DSCAM: variants seen among roughly 807,000 people sequenced by gnomAD.
The protein encoded by DSCAM is cell adhesion molecule DSCAM.
Under a neutral mutation model 217.7 loss-of-function variants are expected in DSCAM, and 47 were observed. That is an observed-to-expected ratio of 0.22 (90% confidence interval 0.17 to 0.28). DSCAM has a LOEUF of 0.28. Among genes scored for constraint, DSCAM ranks in the 10% least tolerant of loss-of-function variants. DSCAM has a pLI of 1.00. For missense variants in DSCAM, 2,080 were observed against 2,618.3 expected (o/e 0.79, Z 4.49); for synonymous variants, 1,056 against 1,015.3 (o/e 1.04, Z -0.76).
intron 3 of DSCAM, among the ~76,000 whole-genome samples, chr21:40,619,032 C>T (rs1469323970): frequency 6.6e-6 from 1 of 151,496 alleles, no homozygotes; most frequent in African/African-American, 2.4e-5. Flanking sequence ...GCCACTTAAA[C>T]CCACCGGGTA....
intron 20 of DSCAM, among the ~76,000 whole-genome samples, chr21:40,109,451 C>T (rs551069131): frequency 4.3e-4 from 66 of 152,286 alleles, no homozygotes; most frequent in Non-Finnish European, 6.5e-4. Context: ...GCCAAGATGG[C>T]GGAATAGGAA....
At chr21:40,540,185 C>T (rs539419882) in intron 3 of DSCAM, among the ~76,000 whole-genome samples, 5 of 152,262 alleles carry the variant, frequency 3.3e-5, no homozygotes, top group South Asian at 2.1e-4. Context: ...ACCTCCCCTT[C>T]GCACACACAA....
At chr21:40,091,988 C>T (rs1368355359) in intron 21 of DSCAM, among the ~76,000 whole-genome samples, 3 of 152,194 alleles carry the variant, frequency 2.0e-5, no homozygotes, top group Non-Finnish European at 4.4e-5. Context: ...CACTGACTGG[C>T]TCCCCACCAA....
At chr21:40,542,299 G>T (rs889162344) in intron 3 of DSCAM, among the ~76,000 whole-genome samples, 2 of 152,142 alleles carry the variant, frequency 1.3e-5, no homozygotes, top group Non-Finnish European at 2.9e-5. Flanking sequence ...CATTTTTAGG[G>T]GTAACGATGT....
rs761875826 is a variant in DSCAM, at chr21:40,075,118, G to A, written c.4807C>T (p.Leu1603=). 1.9e-6 allele frequency: 3 copies of A among 1,614,082 alleles called. No homozygotes were observed. The highest frequency in any genetic ancestry group is 2.5e-6 in the Non-Finnish European group (3 of 1,180,054). ...ACAAACAGCAGCAAGACCCCCACCA[G>A]GATACAGGAGATGGTCACCAGCATC... ...LKMLVTISCI[L]VGVLLLFVLL... Residue 1603 remains leucine (L), a synonymous_variant, in exon 27 of 33, where the codon CTG becomes TTG. Transcript: ENST00000400454.
At chr21:40,439,869 C>T (rs1369628146) in intron 3 of DSCAM, among the ~76,000 whole-genome samples, 1 of 152,050 alleles carries the variant, frequency 6.6e-6, no homozygotes, top group African/African-American at 2.4e-5. Context: ...GACCTGCCCC[C>T]ATAATTAAAT....
intron 3 of DSCAM, among the ~76,000 whole-genome samples, chr21:40,525,030 A>AAAAAAAAAAAAAAAAAAAAC (rs2076389800): frequency 6.6e-6 from 1 of 151,218 alleles, no homozygotes; most frequent in Non-Finnish European, 1.5e-5. Context: ...AAAAAAAAAA[A>AAAAAAAAAAAAAAAAAAAAC]ATCCATTCAC....
At chr21:40,796,299 G>A (rs555299868) in intron 1 of DSCAM, among the ~76,000 whole-genome samples, 28 of 152,312 alleles carry the variant, frequency 1.8e-4, no homozygotes, top group African/African-American at 6.7e-4. Context: ...GTCATTGTAG[G>A]TTCCCAAAAG....
At chr21:40,619,522 A>C (rs763555061) in intron 3 of DSCAM, among the ~76,000 whole-genome samples, 1 of 152,166 alleles carries the variant, frequency 6.6e-6, no homozygotes, top group African/African-American at 2.4e-5. Context: ...CTATTCAACT[A>C]TTCTAATATA....
At chr21:40,487,074 T>A (rs187679367) in intron 3 of DSCAM, among the ~76,000 whole-genome samples, 26 of 152,256 alleles carry the variant, frequency 1.7e-4, no homozygotes, top group African/African-American at 6.0e-4. Context: ...CATGAGGAAC[T>A]CCACATGTTT....
intron 1 of DSCAM, among the ~76,000 whole-genome samples, chr21:40,775,666 G>A (rs921841455): frequency 1.3e-5 from 2 of 152,158 alleles, no homozygotes; most frequent in African/African-American, 4.8e-5. Context: ...TGGACTCTAG[G>A]AACTTACACC....
intron 8 of DSCAM, among the ~76,000 whole-genome samples, chr21:40,332,701 T>C (rs555177442): frequency 1.3e-4 from 20 of 152,210 alleles, no homozygotes; most frequent in Non-Finnish European, 2.4e-4. Flanking sequence ...TCTGCCTATA[T>C]GTTTGAAGGC....
intron 15 of DSCAM, among the ~76,000 whole-genome samples, chr21:40,178,660 A>G (rs962970789): frequency 2.0e-5 from 3 of 152,198 alleles, no homozygotes; most frequent in African/African-American, 4.8e-5. Context: ...GATTCTTTGA[A>G]TCTCACCAGA....
intron 19 of DSCAM, among the ~76,000 whole-genome samples, chr21:40,126,262 GAAGAAAAAAGA>G (rs1201903792): frequency 6.7e-6 from 1 of 150,130 alleles, no homozygotes; most frequent in Non-Finnish European, 1.5e-5. Flanking sequence ...AGGAAAGAGG[GAAGAAAAAAGA>G]AAGGAAGGAA....
chr21:40,349,136 C>CAAAAAA lies in DSCAM; in HGVS notation c.935-1197_935-1192dup, dbSNP rs758386936. 6.4e-3 allele frequency among the ~76,000 whole-genome samples: 246 copies of CAAAAAA among 38,668 alleles called. 23 individuals carry two copies. Among genetic ancestry groups the CAAAAAA allele is most frequent in the African/African-American group, 0.018 (181 of 10,270 alleles). 25.4% of individuals were successfully genotyped at this position (38,668 alleles called of 152,430 possible). The stretch of plus-strand genomic sequence containing the variant: ...TGGGGGACAGAGTGAGACTCCATCT[C>CAAAAAA]AAAAAAAAAAAAAAAAAAAGAAATG... On this transcript the variant is annotated intron_variant, in intron 5 of 32. Coordinates refer to ENST00000400454, the MANE Select transcript of DSCAM (RefSeq NM_001389.5).
At chr21:40,648,860 C>A (rs1322537319) in intron 3 of DSCAM, among the ~76,000 whole-genome samples, 1 of 152,150 alleles carries the variant, frequency 6.6e-6, no homozygotes, top group Non-Finnish European at 1.5e-5. Flanking sequence ...CCATCCTCAC[C>A]CTTGGAATTG....
At chr21:40,181,675 G>A (rs538928008) in intron 14 of DSCAM, among the ~76,000 whole-genome samples, 27 of 151,374 alleles carry the variant, frequency 1.8e-4, no homozygotes, top group African/African-American at 5.3e-4. Context: ...TGATATTTCC[G>A]GGCACCTGCT....
At chr21:40,836,415 A>G (rs2092057016) in intron 1 of DSCAM, among the ~76,000 whole-genome samples, 2 of 152,176 alleles carry the variant, frequency 1.3e-5, no homozygotes, top group Admixed American at 1.3e-4. Context: ...GCTAGCATCC[A>G]CATTGGGAGT....
At chr21:40,534,397 C>A (rs763964022) in intron 3 of DSCAM, among the ~76,000 whole-genome samples, 2 of 152,146 alleles carry the variant, frequency 1.3e-5, no homozygotes, top group African/African-American at 4.8e-5. Flanking sequence ...CAAGGTTTTA[C>A]TTCCTCTTGT....
Sources: allele counts gnomAD v4.1 joint callset (sites outside exome capture counted in the v4.1 genomes callset), GRCh38; gene constraint gnomAD v4.1.1; transcripts MANE v1.5; gene names NCBI Gene and HGNC (gene_info 2026-07-23, HGNC 2026-07-21).